PTPRK: variants seen among roughly 807,000 people sequenced by gnomAD.
PTPRK encodes the protein protein tyrosine phosphatase receptor type K, also known as receptor-type tyrosine-protein phosphatase kappa.
A neutral mutation model predicts 178.0 loss-of-function variants in PTPRK; 75 were observed. That is an observed-to-expected ratio of 0.42 (90% CI 0.35 to 0.51). The LOEUF (loss-of-function observed/expected upper bound fraction) is 0.51. Ranked by LOEUF, PTPRK falls within the 20% of genes least tolerant of loss-of-function variation. PTPRK has a pLI of 0.02. For synonymous variants in PTPRK, 637 were observed against 620.6 expected (o/e 1.03, Z -0.39); for missense variants, 1,441 against 1,797.8 (o/e 0.80, Z 3.59).
At chr6:128,195,691 T>C (rs1348409564) in intron 6 of PTPRK, among the ~76,000 whole-genome samples, 1 of 152,092 alleles carries the variant, frequency 6.6e-6, no homozygotes, top group Non-Finnish European at 1.5e-5. Flanking sequence ...TTCCACTAGA[T>C]AACAGGATTC....
chr6:127,981,862 C>T (rs1775376907), intron 24 of PTPRK, among the ~76,000 whole-genome samples: 1 of 152,146 alleles, frequency 6.6e-6, no homozygotes, highest in African/African-American at 2.4e-5. Context: ...GGGTCTTACT[C>T]TGTTGCCCAG....
intron 6 of PTPRK, among the ~76,000 whole-genome samples, chr6:128,202,210 G>T (rs1341825416): frequency 6.6e-6 from 1 of 152,158 alleles, no homozygotes; most frequent in Non-Finnish European, 1.5e-5. Flanking sequence ...GCAGGGTGGG[G>T]CGATGGCCCA....
At chr6:128,492,287 T>C (rs1484041013) in intron 1 of PTPRK, among the ~76,000 whole-genome samples, 1 of 152,154 alleles carries the variant, frequency 6.6e-6, no homozygotes. Flanking sequence ...CCTAGGCAAA[T>C]TCCATCCATC....
rs752190356 is a variant in PTPRK at position 128,005,221 on chromosome 6, T to A, written c.2357A>T (p.Asp786Val). The change falls in exon 15 of 30, where the codon GAT (aspartate) becomes GTT (valine). Residue 786 changes from aspartate (D) to valine (V), a missense_variant. This residue lies in a region of PTPRK where 945 missense variants were observed against 1,080.6 expected (regional missense o/e 0.87). Transcript: ENST00000368226. ...CTCCTGCCGGGTATTCCCCATGGCA[T>A]CTTTGCGTTTTTTAGCAAGTTTGCT... ...KKSKLAKKRKDAMGNTRQEMT... is the reference protein window; with the variant it reads ...KKSKLAKKRKVAMGNTRQEMT... 6.2e-7 allele frequency: 1 copy of A among 1,611,292 alleles called. No homozygotes were observed. Among genetic ancestry groups the A allele is most frequent in the South Asian group, 1.1e-5 (1 of 90,960 alleles).
At chr6:128,464,549 A>G (rs1849492898) in intron 1 of PTPRK, among the ~76,000 whole-genome samples, 1 of 148,174 alleles carries the variant, frequency 6.7e-6, no homozygotes, top group African/African-American at 2.5e-5. Context: ...AATTTTTAAC[A>G]TGTTATTATA....
At chr6:128,208,134 A>C (rs1031134046) in intron 6 of PTPRK, among the ~76,000 whole-genome samples, 8 of 152,000 alleles carry the variant, frequency 5.3e-5, no homozygotes, top group African/African-American at 1.9e-4. Context: ...GCAATCCTGC[A>C]CAGTACACAG....
At chr6:128,417,185 T>C (rs985357896) in intron 1 of PTPRK, among the ~76,000 whole-genome samples, 1 of 152,060 alleles carries the variant, frequency 6.6e-6, no homozygotes, top group Non-Finnish European at 1.5e-5. Flanking sequence ...ATTTACGTTT[T>C]CAAAACAATC....
At position 128,218,931 on chromosome 6, in the gene PTPRK, T is replaced by A. The variant is rs543677042; in HGVS notation, c.859A>T (p.Ile287Phe). Residue 287 changes from isoleucine (I) to phenylalanine (F), a missense_variant, in exon 6 of 30, where the codon ATT becomes TTT. This residue lies in a region of PTPRK where 945 missense variants were observed against 1,080.6 expected (regional missense o/e 0.87). Coordinates refer to ENST00000368226, the MANE Select transcript of PTPRK (RefSeq NM_002844.4). ...GSGVSNFAQL[I>F]VREPPRPIAP... is the part of the protein sequence containing the mutation. Reference sequence around the variant, plus strand: ...AACAATTTCACCTTACCTCTCACAATAAGTTGAGCAAAATTGGACACACCG... The same window carrying A: ...AACAATTTCACCTTACCTCTCACAAAAAGTTGAGCAAAATTGGACACACCG... 2.5e-6 allele frequency: 4 copies of A among 1,604,716 alleles called. No individual in the cohort carries two copies. The Admixed American group carries it at 6.7e-5, about 27-fold the overall frequency.
chr6:127,986,614 C>G (rs533153895), intron 21 of PTPRK, among the ~76,000 whole-genome samples: 91 of 152,068 alleles, frequency 6.0e-4, no homozygotes, highest in African/African-American at 2.1e-3. Context: ...TGAGGTAGCA[C>G]AGCTTGGAAG....
At chr6:128,338,672 C>CT (rs1831265388) in intron 2 of PTPRK, among the ~76,000 whole-genome samples, 2 of 152,222 alleles carry the variant, frequency 1.3e-5, no homozygotes, top group South Asian at 2.1e-4. Context: ...CTATGCTTCC[C>CT]CTCTGCAGAA....
chr6:128,257,798 A>C (rs1018079437), intron 3 of PTPRK, among the ~76,000 whole-genome samples: 2 of 152,132 alleles, frequency 1.3e-5, no homozygotes, highest in African/African-American at 4.8e-5. Context: ...CCAACTTTTC[A>C]CCCCTTTCAA....
At chr6:128,090,140 C>T in intron 7 of PTPRK, 148 bp from the exon 8 acceptor site, 1 of 670,654 alleles carries the variant, frequency 1.5e-6, no homozygotes, top group Non-Finnish European at 2.4e-6. Context: ...TATTCATGAT[C>T]CTATTCTTGA....
intron 7 of PTPRK, among the ~76,000 whole-genome samples, chr6:128,155,804 G>A (rs1217300755): frequency 6.6e-6 from 1 of 151,664 alleles, no homozygotes; most frequent in Non-Finnish European, 1.5e-5. Context: ...TTATTTTCTA[G>A]TGTTATGAGA....
At chr6:128,073,349 G>A (rs574026840) in intron 11 of PTPRK, among the ~76,000 whole-genome samples, 32 of 152,128 alleles carry the variant, frequency 2.1e-4, no homozygotes, top group Non-Finnish European at 3.8e-4. Flanking sequence ...ATTAAGAAGG[G>A]ATAAGTGCTC....
In PTPRK at chr6:128,146,239, G is replaced by T. The variant is rs575879075; in HGVS notation, c.1162+38193C>A. Reference sequence around the variant, plus strand: ...GGGGCATGAAGGAATATTTTTTGGGGTAATAAAAATGTTCTGTATTTATGA... The same window carrying T: ...GGGGCATGAAGGAATATTTTTTGGGTTAATAAAAATGTTCTGTATTTATGA... On this transcript the variant is annotated intron_variant, in intron 7 of 29. Transcript: ENST00000368226. 3.9e-5 allele frequency among the ~76,000 whole-genome samples: 6 copies of T among 152,118 alleles called. No homozygotes were observed. In the South Asian group the frequency reaches 1.2e-3, roughly 32 times the overall value.
intron 8 of PTPRK, among the ~76,000 whole-genome samples, chr6:128,088,534 T>C (rs1331529332): frequency 6.6e-6 from 1 of 152,172 alleles, no homozygotes; most frequent in Non-Finnish European, 1.5e-5. Context: ...CAGTTCACCA[T>C]ATGGCACACT....
Position 128,240,171 on chromosome 6 carries a change from A to T in PTPRK, c.578-21T>A, listed in dbSNP as rs1452985694. The stretch of plus-strand genomic sequence containing the variant: ...TTTATCTGTGAAGGAAGGGAAAAAA[A>T]AATGTATTTGTTTTCACATGAAGAA... On this transcript the variant is annotated intron_variant, in intron 4 of 29. Coordinates refer to ENST00000368226, the MANE Select transcript of PTPRK (RefSeq NM_002844.4). The T allele has an allele frequency of 2.6e-6, 4 of 1,543,442 alleles. No homozygotes were observed. The Admixed American group carries it at 6.9e-5, about 26-fold the overall frequency.
chr6:128,355,013 A>T (rs1388532012), intron 2 of PTPRK, among the ~76,000 whole-genome samples: 1 of 152,248 alleles, frequency 6.6e-6, no homozygotes, highest in African/African-American at 2.4e-5. Flanking sequence ...AGTTTTAATG[A>T]ATGTTAACAC....
At chr6:128,282,828 A>C (rs926948442) in intron 3 of PTPRK, among the ~76,000 whole-genome samples, 1 of 152,188 alleles carries the variant, frequency 6.6e-6, no homozygotes, top group Non-Finnish European at 1.5e-5. Context: ...GTGTACAAAC[A>C]TCACTTATTT....
Sources: allele counts gnomAD v4.1 joint callset (sites outside exome capture counted in the v4.1 genomes callset), GRCh38; gene constraint gnomAD v4.1.1; regional missense constraint gnomAD v4.1.1; transcripts MANE v1.5; gene names NCBI Gene and HGNC (gene_info 2026-07-23, HGNC 2026-07-21).